CDK19: variants seen among roughly 807,000 people sequenced by gnomAD.
CDK19 encodes the protein cyclin-dependent kinase 19.
In CDK19, 20 loss-of-function variants were observed where a neutral mutation model predicts 68.3. That is an observed-to-expected ratio of 0.29 (90% CI 0.21 to 0.43). The LOEUF (loss-of-function observed/expected upper bound fraction) is 0.43. Ranked by LOEUF, CDK19 falls within the 20% of genes least tolerant of loss-of-function variation. The pLI, the probability that CDK19 is intolerant of heterozygous loss-of-function variation, is 1.00. For synonymous variants in CDK19, 221 were observed against 222.8 expected (o/e 0.99, Z 0.07); for missense variants, 339 against 623.5 (o/e 0.54, Z 4.86).
intron 5 of CDK19, among the ~76,000 whole-genome samples, chr6:110,634,261 G>C (rs1400991931): frequency 6.6e-6 from 1 of 152,164 alleles, no homozygotes; most frequent in Non-Finnish European, 1.5e-5. Flanking sequence ...CTGTTGCCCA[G>C]GCTGGAGTGC....
chr6:110,650,602 C>T (rs1283814081), intron 4 of CDK19, among the ~76,000 whole-genome samples: 1 of 152,026 alleles, frequency 6.6e-6, no homozygotes, highest in Non-Finnish European at 1.5e-5. Context: ...TTAAATTCTT[C>T]GGAGAAAGCC....
intron 1 of CDK19, among the ~76,000 whole-genome samples, chr6:110,778,739 T>C (rs1012318967): frequency 1.3e-5 from 2 of 152,224 alleles, no homozygotes; most frequent in African/African-American, 4.8e-5. Context: ...AGGTGAAGTG[T>C]ACATTTCCCA....
intron 2 of CDK19, among the ~76,000 whole-genome samples, chr6:110,735,880 T>C (rs1777214407): frequency 6.6e-6 from 1 of 152,200 alleles, no homozygotes; most frequent in African/African-American, 2.4e-5. Flanking sequence ...AAACATTTCA[T>C]GAGATTCAGT....
intron 2 of CDK19, among the ~76,000 whole-genome samples, chr6:110,690,171 C>T (rs573178666): frequency 6.6e-6 from 1 of 152,262 alleles, no homozygotes; most frequent in South Asian, 2.1e-4. Context: ...TATGTGTGCA[C>T]CTATAGACAG....
chr6:110,762,887 CCAATGTAATACCTTGGAGCTAA>C (rs1481717443), intron 1 of CDK19, among the ~76,000 whole-genome samples: 3 of 152,130 alleles, frequency 2.0e-5, no homozygotes, highest in African/African-American at 7.2e-5. Context: ...ATCTTTGTAG[CCAATGTAATACCTTGGAGCTAA>C]CAATCAAATA....
chr6:110,686,493 A>C lies in CDK19; in HGVS notation c.205-15952T>G, dbSNP rs117669970. ...AAATTTGCTATGGCAGATTTCCATC[A>C]CTACATGATAGGGTGTATCTCTTAT... On this transcript the variant is annotated intron_variant, in intron 2 of 12. Transcript: ENST00000368911. Among the ~76,000 whole-genome samples, 487 of 152,308 alleles carry C rather than the reference A, an allele frequency of 3.2e-3. 3 individuals are homozygous for C. Among genetic ancestry groups the C allele is most frequent in the Non-Finnish European group, 5.6e-3 (378 of 68,022 alleles).
intron 2 of CDK19, among the ~76,000 whole-genome samples, chr6:110,688,003 T>C (rs1772634661): frequency 6.6e-6 from 1 of 152,208 alleles, no homozygotes; most frequent in African/African-American, 2.4e-5. Flanking sequence ...ACTCTCCTCT[T>C]TGAAATGTTC....
chr6:110,794,638 C>T (rs1042338668), intron 1 of CDK19, among the ~76,000 whole-genome samples: 3 of 151,072 alleles, frequency 2.0e-5, no homozygotes, highest in African/African-American at 7.3e-5. Context: ...CTCCTGACCT[C>T]GTGATCCACC....
At chr6:110,686,989 A>G (rs1299525069) in intron 2 of CDK19, among the ~76,000 whole-genome samples, 1 of 152,220 alleles carries the variant, frequency 6.6e-6, no homozygotes, top group Non-Finnish European at 1.5e-5. Context: ...GCTTGAGCCC[A>G]GGCATTCAAG....
chr6:110,809,330 C>T (rs1168738081), intron 1 of CDK19, among the ~76,000 whole-genome samples: 1 of 152,014 alleles, frequency 6.6e-6, no homozygotes, highest in Non-Finnish European at 1.5e-5. Context: ...GCCTGGGCAA[C>T]ACAGTGAACA....
At chr6:110,645,885 A>T in intron 4 of CDK19, 1 of 745,438 alleles carries the variant, frequency 1.3e-6, no homozygotes, top group Non-Finnish European at 2.3e-6. Flanking sequence ...AGACGAAAAC[A>T]GCGGCGACTC....
chr6:110,680,951 C>T (rs910758454), intron 2 of CDK19, among the ~76,000 whole-genome samples: 2 of 152,102 alleles, frequency 1.3e-5, no homozygotes, highest in South Asian at 2.1e-4. Context: ...GAGCAGAGAT[C>T]GTCCCACTGC....
intron 1 of CDK19, among the ~76,000 whole-genome samples, chr6:110,754,522 C>T (rs1176492961): frequency 4.0e-5 from 6 of 151,598 alleles, no homozygotes; most frequent in Non-Finnish European, 8.8e-5. Context: ...GCTCTGTCAC[C>T]AGGCTGGAGT....
chr6:110,632,741 A>G (rs186603399), intron 5 of CDK19, among the ~76,000 whole-genome samples: 461 of 152,208 alleles, frequency 3.0e-3, no homozygotes, highest in Non-Finnish European at 5.1e-3. Flanking sequence ...CTGTCCCCCA[A>G]GAAAGATATT....
At chr6:110,717,540 TTTTC>T (rs1241223315) in intron 2 of CDK19, among the ~76,000 whole-genome samples, 3 of 152,204 alleles carry the variant, frequency 2.0e-5, no homozygotes, top group Admixed American at 6.5e-5. Flanking sequence ...GACTGTCTCA[TTTTC>T]TTTATTTCCC....
chr6:110,787,711 G>A (rs1184939580), intron 1 of CDK19, among the ~76,000 whole-genome samples: 1 of 152,210 alleles, frequency 6.6e-6, no homozygotes, highest in Non-Finnish European at 1.5e-5. Context: ...CAAAGTGCTG[G>A]GATTTATAGG....
intron 4 of CDK19, among the ~76,000 whole-genome samples, chr6:110,663,571 G>A (rs1170342363): frequency 6.6e-6 from 1 of 152,170 alleles, no homozygotes; most frequent in African/African-American, 2.4e-5. Context: ...TGTTGCCCAA[G>A]GCTGGAGTGG....
rs546569510 is a variant in CDK19, at chr6:110,635,618, C to A, written c.514+3031G>T. On this transcript the variant is annotated intron_variant, in intron 5 of 12. Coordinates refer to ENST00000368911, the MANE Select transcript of CDK19 (RefSeq NM_015076.5). The stretch of plus-strand genomic sequence containing the variant: ...GCAGTGGCATGATCTCGGCTCACTG[C>A]AACCTCCGCCTCCCGGGTTCAAGCA... 3.7e-4 allele frequency among the ~76,000 whole-genome samples: 57 copies of A among 152,296 alleles called. 1 individual carries two copies. Among genetic ancestry groups the A allele is most frequent in the African/African-American group, 1.3e-3 (54 of 41,572 alleles).
chr6:110,763,929 A>G (rs1489833757), intron 1 of CDK19, among the ~76,000 whole-genome samples: 2 of 152,234 alleles, frequency 1.3e-5, no homozygotes, highest in Non-Finnish European at 2.9e-5. Flanking sequence ...AGATTAATAT[A>G]AAAAGTCAAT....
Sources: gnomAD v4.1 joint callset for allele counts (sites outside exome capture counted in the v4.1 genomes callset) on GRCh38, gnomAD v4.1.1 for gene constraint, MANE v1.5 for transcripts, NCBI Gene and HGNC (gene_info 2026-07-23, HGNC 2026-07-21) for gene names.